The following PTPN21 variants were observed in gnomAD, a reference collection of about 807,000 sequenced individuals.
The protein encoded by PTPN21 is protein tyrosine phosphatase non-receptor type 21.
Under a neutral mutation model 131.8 loss-of-function variants are expected in PTPN21, and 77 were observed. The observed-to-expected ratio is 0.58, with a 90% CI of 0.49 to 0.71. The LOEUF is 0.71. PTPN21 is among the 30% of genes least tolerant of loss of function. PTPN21 has a pLI of 0.00. For missense variants in PTPN21, 1,552 were observed against 1,527.1 expected (o/e 1.02, Z -0.27); for synonymous variants, 715 against 621.3 (o/e 1.15, Z -2.24).
At chr14:88,527,983 T>C (rs1332832423) in intron 2 of PTPN21, among the ~76,000 whole-genome samples, 1 of 152,218 alleles carries the variant, frequency 6.6e-6, no homozygotes, top group African/African-American at 2.4e-5. Context: ...GCTTTATTTC[T>C]GGGTTCTCTA....
rs189450696 is a variant in PTPN21, at chr14:88,488,520, T to C, written c.933-2678A>G. On this transcript the variant is annotated intron_variant, in intron 10 of 18. Coordinates refer to ENST00000556564, the MANE Select transcript of PTPN21 (RefSeq NM_007039.4). ...TACTCTGAGACCAGCTATCCTCAGC[T>C]TGGCATACAAGAGAAAACCATGTAA... Among the ~76,000 whole-genome samples the C allele has an allele frequency of 2.1e-3, 313 of 152,358 alleles. 1 individual carries two copies. Among genetic ancestry groups the C allele is most frequent in the Admixed American group, 5.4e-3 (83 of 15,310 alleles).
intron 3 of PTPN21, among the ~76,000 whole-genome samples, chr14:88,508,440 A>G (rs2078130653): frequency 6.6e-6 from 1 of 152,162 alleles, no homozygotes; most frequent in Non-Finnish European, 1.5e-5. Context: ...GAACCACCAC[A>G]CAGAGCCCCT....
intron 10 of PTPN21, chr14:88,493,047 G>A (rs530637210): frequency 1.3e-4 from 59 of 455,294 alleles, no homozygotes; most frequent in Non-Finnish European, 2.3e-4. Context: ...GCACAGGCTC[G>A]AGTCTTGCTG....
intron 6 of PTPN21, among the ~76,000 whole-genome samples, chr14:88,501,757 C>A (rs74662619): frequency 0.015 from 2,328 of 152,066 alleles, 59 homozygotes; most frequent in South Asian, 0.1. Flanking sequence ...GGACAAAGGA[C>A]CACCTGAGGC....
chr14:88,515,158 G>A (rs560903984), intron 3 of PTPN21: 2 of 152,298 alleles, frequency 1.3e-5, no homozygotes, highest in Admixed American at 1.3e-4. Context: ...AGCTCTGCAA[G>A]GCTGACTTCT....
At chr14:88,513,468 T>C (rs913694448) in intron 3 of PTPN21, 1 of 152,254 alleles carries the variant, frequency 6.6e-6, no homozygotes, top group African/African-American at 2.4e-5. Context: ...CCCAGCCCAG[T>C]TGTATTCTTT....
At chr14:88,526,808 C>A (rs906206410) in intron 2 of PTPN21, among the ~76,000 whole-genome samples, 9 of 152,192 alleles carry the variant, frequency 5.9e-5, no homozygotes, top group Admixed American at 2.6e-4. Context: ...TCACCCCATT[C>A]CCATCCTTCC....
intron 1 of PTPN21, among the ~76,000 whole-genome samples, chr14:88,554,175 G>A (rs2078897473): frequency 6.6e-6 from 1 of 152,186 alleles, no homozygotes; most frequent in South Asian, 2.1e-4. Context: ...CATGCCAAGA[G>A]CGGCCAATCT....
chr14:88,489,551 G>A (rs1467199013), intron 10 of PTPN21, among the ~76,000 whole-genome samples: 1 of 152,136 alleles, frequency 6.6e-6, no homozygotes, highest in East Asian at 1.9e-4. Flanking sequence ...GCTGAGGGCT[G>A]AGGCCAGTGG....
chr14:88,469,158 C>A lies in PTPN21; in HGVS notation c.3236-82G>T. Reference sequence around the variant, plus strand: ...TGACTCAATCTTCATATTCTCTCCACTGATTAAGAGGACTGCAGATAAAGA... The same window carrying A: ...TGACTCAATCTTCATATTCTCTCCAATGATTAAGAGGACTGCAGATAAAGA... On this transcript the variant is annotated intron_variant, in intron 17 of 18. Transcript: ENST00000556564. This position sits in a 1 kb window ranked among gnomAD's most constrained non-coding sequence, Gnocchi z 4.3. 1.4e-6 allele frequency: 2 copies of A among 1,437,978 alleles called. No homozygotes were observed. Among genetic ancestry groups the A allele is most frequent in the South Asian group, 1.4e-5 (1 of 73,736 alleles). The allele number at this position is 1,437,978 out of a possible 1,614,324, so 89.1% of individuals were successfully genotyped here. A position where few individuals can be genotyped will look rare whatever the true frequency, so the allele number is the denominator to read the frequency against.
rs372677539 is a variant in PTPN21, at chr14:88,469,119, G to A, written c.3236-43C>T. 4 of 1,569,640 alleles carry A rather than the reference G, an allele frequency of 2.5e-6. No homozygotes were observed. Among genetic ancestry groups the A allele is most frequent in the Non-Finnish European group, 3.5e-6 (4 of 1,149,610 alleles). ...AATAGAAAAGTACTCAAGGATCAAG[G>A]CGTATCACATTGTTGACTCAATCTT... On this transcript the variant is annotated intron_variant, in intron 17 of 18. Transcript: ENST00000556564. The surrounding 1 kb of genome is among the most constrained non-coding windows in gnomAD (Gnocchi z 4.3).
In PTPN21 at chr14:88,479,899, G is replaced by A. The variant is rs367566344; in HGVS notation, c.1532C>T (p.Pro511Leu). ...GTGGAAGCTGTAGCTCAGGCTGAAC[G>A]GGCAGTGTGCGGCCGCTGGCGAGGG... ...QLPSPAAAHC[P>L]FSLSYSFHSP... The change falls in exon 13 of 19, where the codon CCG becomes CTG. Residue 511 changes from proline to leucine, a missense_variant. Pro to Leu is a moderately conservative substitution (Grantham distance 98). Around this residue, in one of 4 missense-constraint regions of PTPN21, gnomAD observed 1,016 missense variants for 883.5 expected, o/e 1.15. Coordinates refer to ENST00000556564, the MANE Select transcript of PTPN21 (RefSeq NM_007039.4). The A allele has an allele frequency of 6.3e-7, 1 of 1,595,950 alleles. No homozygotes were observed. Among genetic ancestry groups the A allele is most frequent in the Non-Finnish European group, 8.5e-7 (1 of 1,175,230 alleles).
At chr14:88,478,701 T>A (rs1393770007) in intron 13 of PTPN21, among the ~76,000 whole-genome samples, 2 of 152,220 alleles carry the variant, frequency 1.3e-5, no homozygotes, top group Non-Finnish European at 2.9e-5. Context: ...ACTTCATCTA[T>A]AATAATTATC....
chr14:88,519,462 C>A (rs550825562), intron 2 of PTPN21, among the ~76,000 whole-genome samples: 11 of 152,228 alleles, frequency 7.2e-5, no homozygotes, highest in African/African-American at 2.6e-4. Flanking sequence ...ACTTAAATAG[C>A]TGCAAGTATC....
In PTPN21 at chr14:88,550,623, G is replaced by T; in HGVS notation, c.-202-4C>A. On this transcript the variant is annotated splice_region_variant and splice_polypyrimidine_tract_variant and intron_variant, in intron 1 of 18. Coordinates refer to ENST00000556564, the MANE Select transcript of PTPN21 (RefSeq NM_007039.4). ...GAAGGGAGCATTGACGCCAGCGCTGGGGAAAGAGGAACGCCGTTAGTTAAG... is the reference window on the plus strand; with the variant it reads ...GAAGGGAGCATTGACGCCAGCGCTGTGGAAAGAGGAACGCCGTTAGTTAAG... 1 of 519,148 alleles carries T rather than the reference G, an allele frequency of 1.9e-6. No homozygotes were observed. 32.2% of individuals were successfully genotyped at this position (519,148 alleles called of 1,614,324 possible). A position where few individuals can be genotyped will look rare whatever the true frequency, so the allele number is the denominator to read the frequency against.
chr14:88,486,591 G>T (rs2077736381), intron 10 of PTPN21, among the ~76,000 whole-genome samples: 1 of 152,122 alleles, frequency 6.6e-6, no homozygotes, highest in African/African-American at 2.4e-5. Context: ...CCAAGGGAAA[G>T]CAAAGCACAA....
rs369022409 is a variant in PTPN21, at chr14:88,477,446, T to TCAAAAAAAAAAAA, written c.2511+1473_2511+1474insTTTTTTTTTTTTG. Among the ~76,000 whole-genome samples the TCAAAAAAAAAAAA allele has an allele frequency of 1.3e-4, 10 of 76,382 alleles. 2 individuals are homozygous for TCAAAAAAAAAAAA. The highest frequency in any genetic ancestry group is 1.3e-4 in the African/African-American group (3 of 22,260). The allele number at this position is 76,382 out of a possible 152,430, so 50.1% of individuals were successfully genotyped here. On this transcript the variant is annotated intron_variant, in intron 13 of 18. Transcript: ENST00000556564. ...CCTGGGCAACAGGGCAAGACTGTTCTAAAAAAAAAAAAAAAAAAAAAAAAG... is the reference window on the plus strand; with the variant it reads ...CCTGGGCAACAGGGCAAGACTGTTCTCAAAAAAAAAAAAAAAAAAAAAAAAAAAAAAAAAAAAG...
In PTPN21 at chr14:88,485,402, A is replaced by G. The variant is rs532638413; in HGVS notation, c.994-242T>C. Reference sequence around the variant, plus strand: ...CATTAGGCTCCACCAGAAAATCTGCATCTAAAAAGCTAAGAGCAAGAAGCA... The same window carrying G: ...CATTAGGCTCCACCAGAAAATCTGCGTCTAAAAAGCTAAGAGCAAGAAGCA... On this transcript the variant is annotated intron_variant, in intron 11 of 18. Coordinates refer to ENST00000556564, the MANE Select transcript of PTPN21 (RefSeq NM_007039.4). 5.4e-4 allele frequency among the ~76,000 whole-genome samples: 83 copies of G among 152,308 alleles called. No individual in the cohort carries two copies. In the Middle Eastern group the frequency reaches 0.01, roughly 19 times the overall value.
intron 2 of PTPN21, among the ~76,000 whole-genome samples, chr14:88,544,676 T>C (rs1474699629): frequency 2.6e-5 from 4 of 152,134 alleles, no homozygotes; most frequent in Non-Finnish European, 5.9e-5. Context: ...GCAGACTGTC[T>C]TAACCACTTT....
Sources: allele counts gnomAD v4.1 joint callset (sites outside exome capture counted in the v4.1 genomes callset), GRCh38; gene constraint gnomAD v4.1.1; regional missense constraint gnomAD v4.1.1; non-coding constraint Gnocchi (gnomAD v3.1); transcripts MANE v1.5; gene names NCBI Gene and HGNC (gene_info 2026-07-23, HGNC 2026-07-21).